MINDY4B: variants seen among roughly 807,000 people sequenced by gnomAD.
MINDY4B encodes the protein inactive ubiquitin carboxyl-terminal hydrolase MINDY-4B.
In MINDY4B, 25 loss-of-function variants were observed where a neutral mutation model predicts 16.7. The ratio of observed to expected loss-of-function variants is 1.49; its 90% CI spans 1.09 to 2.09. The LOEUF is 2.09. Ranked by LOEUF, MINDY4B falls within the 30% of genes most tolerant of loss-of-function variation. MINDY4B has a pLI of 0.00. For synonymous variants in MINDY4B, 132 were observed against 61.9 expected, an observed-to-expected ratio of 2.13 and a Z score of -5.32; for missense variants, 327 against 168.4, an observed-to-expected ratio of 1.94 and a Z score of -5.21.
intron 10 of MINDY4B, among the ~76,000 whole-genome samples, chr3:150,881,614 T>TAAAAAAA (rs34567737): frequency 1.6e-5 from 2 of 121,432 alleles, no homozygotes; most frequent in Non-Finnish European, 3.3e-5. Context: ...TGTCTCTGTT[T>TAAAAAAA]AAAAAAAAAA....
rs565554385 is a variant in MINDY4B, at chr3:150,904,475, C to A, written c.141+587G>T. ...ATTGCTTGATCATATATACTAGTAC[C>A]ATGAAAACCACCTTAATATTTTATG... On this transcript the variant is annotated intron_variant, in intron 2 of 11. Coordinates refer to ENST00000465419, the MANE Select transcript of MINDY4B (RefSeq NM_001351281.2). 2.0e-5 allele frequency among the ~76,000 whole-genome samples: 3 copies of A among 152,230 alleles called. No individual in the cohort carries two copies. The East Asian group carries it at 5.8e-4, about 29-fold the overall frequency.
At position 150,901,757 on chromosome 3, in the gene MINDY4B, G is replaced by A. The variant is rs534730917; in HGVS notation, c.309+1492C>T. Among the ~76,000 whole-genome samples, 6 of 152,126 alleles carry A rather than the reference G, an allele frequency of 3.9e-5. No homozygotes were observed. In the South Asian group the frequency reaches 1.2e-3, roughly 32 times the overall value. On this transcript the variant is annotated intron_variant, in intron 3 of 11. Coordinates refer to ENST00000465419, the MANE Select transcript of MINDY4B (RefSeq NM_001351281.2). Reference sequence around the variant, plus strand: ...GCTGGTCTTGAACTCCTGGCCTGAAGCAATCCCCCTGCCTCAGCCTCCCAA... The same window carrying A: ...GCTGGTCTTGAACTCCTGGCCTGAAACAATCCCCCTGCCTCAGCCTCCCAA...
intron 10 of MINDY4B, among the ~76,000 whole-genome samples, chr3:150,879,412 C>T (rs1711503579): frequency 6.6e-6 from 1 of 152,098 alleles, no homozygotes; most frequent in Admixed American, 6.6e-5. Flanking sequence ...CAGGACAGCC[C>T]TCCACAGCAA....
chr3:150,890,528 C>T, intron 6 of MINDY4B, 143 bp from the exon 7 acceptor site: 1 of 490,108 alleles, frequency 2.0e-6, no homozygotes. Context: ...CTATCTTATG[C>T]AAGGCCATGC....
At chr3:150,880,112 G>A (rs575239356) in intron 10 of MINDY4B, among the ~76,000 whole-genome samples, 46 of 152,366 alleles carry the variant, frequency 3.0e-4, no homozygotes, top group African/African-American at 1.0e-3. Context: ...TGATCAGGTT[G>A]CAGGGCAGGC....
At chr3:150,881,376 C>T (rs1328855274) in intron 10 of MINDY4B, among the ~76,000 whole-genome samples, 1 of 151,914 alleles carries the variant, frequency 6.6e-6, no homozygotes, top group Non-Finnish European at 1.5e-5. Context: ...ACAGCGAACT[C>T]TGTCTCAAAA....
chr3:150,899,844 G>T (rs191356332), intron 3 of MINDY4B, among the ~76,000 whole-genome samples: 5 of 152,264 alleles, frequency 3.3e-5, no homozygotes, highest in Non-Finnish European at 5.9e-5. Flanking sequence ...TAGACCTTAT[G>T]GGGGGACACC....
At chr3:150,905,289 T>A in intron 1 of MINDY4B, 38 bp downstream of exon 1, 1 of 398,458 alleles carries the variant, frequency 2.5e-6, no homozygotes, top group Non-Finnish European at 4.4e-6. Flanking sequence ...GGAAAATTCC[T>A]TTGTTTCTAA....
intron 3 of MINDY4B, among the ~76,000 whole-genome samples, chr3:150,898,414 C>T (rs1350407013): frequency 2.0e-5 from 3 of 152,236 alleles, no homozygotes; most frequent in Non-Finnish European, 4.4e-5. Context: ...AAGCTTCTCT[C>T]TCCAGCTGTC....
intron 11 of MINDY4B, 73 bp from the exon 12 acceptor site, chr3:150,871,260 C>G (rs941809108): frequency 1.5e-6 from 1 of 660,888 alleles, no homozygotes; most frequent in African/African-American, 1.8e-5. Flanking sequence ...TAAAGAAGGA[C>G]AGAAGGGTGG....
At chr3:150,885,064 A>G in intron 8 of MINDY4B, among the ~76,000 whole-genome samples, 1 of 152,290 alleles carries the variant, frequency 6.6e-6, no homozygotes, top group South Asian at 2.1e-4. Flanking sequence ...TAAATAATAA[A>G]ATGTATTTAT....
At chr3:150,885,804 T>G (rs1711607520) in intron 7 of MINDY4B, among the ~76,000 whole-genome samples, 1 of 152,168 alleles carries the variant, frequency 6.6e-6, no homozygotes, top group African/African-American at 2.4e-5. Context: ...CCTCATGTCC[T>G]TCCTCATTGC....
chr3:150,881,603 CT>C (rs1046669053), intron 10 of MINDY4B, among the ~76,000 whole-genome samples: 1 of 120,098 alleles, frequency 8.3e-6, no homozygotes, highest in Admixed American at 9.2e-5. Flanking sequence ...AGTGAGACCC[CT>C]GTCTCTGTTT....
intron 3 of MINDY4B, chr3:150,901,081 C>T (rs1451077369): frequency 6.6e-6 from 1 of 152,162 alleles, no homozygotes; most frequent in Non-Finnish European, 1.5e-5. Flanking sequence ...AATTGTCTCT[C>T]ATTTTCACAT....
intron 11 of MINDY4B, among the ~76,000 whole-genome samples, chr3:150,871,435 A>C (rs1051055054): frequency 1.3e-5 from 2 of 152,186 alleles, no homozygotes; most frequent in South Asian, 2.1e-4. Context: ...CCCCATACAG[A>C]ATGAGTCAGT....
At chr3:150,889,140 T>A (rs913531359) in intron 7 of MINDY4B, among the ~76,000 whole-genome samples, 3 of 152,230 alleles carry the variant, frequency 2.0e-5, no homozygotes, top group Non-Finnish European at 4.4e-5. Flanking sequence ...ATAAATTTAA[T>A]AGCTTAAACA....
chr3:150,892,996 G>A (rs1711855826), intron 5 of MINDY4B, among the ~76,000 whole-genome samples: 1 of 150,950 alleles, frequency 6.6e-6, no homozygotes, highest in Non-Finnish European at 1.5e-5. Context: ...TCACCCCTTT[G>A]TTCCTCCCTA....
rs1717014409 is a variant in MINDY4B at position 150,873,382 on chromosome 3, G to C, written c.1060-15C>G. ...ATGCTGCCCACCTGGAAAGGGGAAG[G>C]GGAATGCAGATAAATATATAGATTT... On this transcript the variant is annotated splice_polypyrimidine_tract_variant and intron_variant, in intron 10 of 11. Coordinates refer to ENST00000465419, the MANE Select transcript of MINDY4B (RefSeq NM_001351281.2). The C allele has an allele frequency of 1.4e-6, 1 of 701,112 alleles. No homozygotes were observed. The highest frequency in any genetic ancestry group is 2.6e-6 in the Non-Finnish European group (1 of 384,142). The allele number at this position is 701,112 out of a possible 1,614,324, so 43.4% of individuals were successfully genotyped here. A position where few individuals can be genotyped will look rare whatever the true frequency, so the allele number is the denominator to read the frequency against.
intron 3 of MINDY4B, among the ~76,000 whole-genome samples, chr3:150,897,695 A>T (rs918026624): frequency 6.6e-6 from 1 of 152,180 alleles, no homozygotes; most frequent in Non-Finnish European, 1.5e-5. Flanking sequence ...TCAAAAGAAA[A>T]GGTTGTCTCT....
Sources: gnomAD v4.1 joint callset for allele counts (sites outside exome capture counted in the v4.1 genomes callset) on GRCh38, gnomAD v4.1.1 for gene constraint, MANE v1.5 for transcripts, NCBI Gene and HGNC (gene_info 2026-07-23, HGNC 2026-07-21) for gene names.